The following TMEM131L variants were observed in gnomAD, a reference collection of about 807,000 sequenced individuals.
The protein encoded by TMEM131L is transmembrane protein 131-like.
TMEM131L carries 54 observed loss-of-function variants against 192.2 expected under a neutral mutation model. The observed-to-expected ratio is 0.28, with a 90% CI of 0.23 to 0.35. The LOEUF (loss-of-function observed/expected upper bound fraction) is 0.35. TMEM131L is among the 10% of genes least tolerant of loss of function. The pLI, the probability that TMEM131L is intolerant of heterozygous loss-of-function variation, is 1.00. For synonymous variants in TMEM131L, 701 were observed against 704.9 expected, an observed-to-expected ratio of 0.99 and a Z score of 0.09; for missense variants, 1,888 against 1,972.9, an observed-to-expected ratio of 0.96 and a Z score of 0.82.
At position 153,623,076 on chromosome 4, in the gene TMEM131L, G is replaced by A. The variant is rs1390926357; in HGVS notation, c.4038G>A (p.Leu1346=). ...CCATGGTGGACGCCCAGCACTTCCT[G>A]CCGGCCGGTGAGTCCTGAGCAGAGC... ...KKPMVDAQHF[L]PAGDSVSQND... The change falls in exon 29 of 35, where the codon CTG becomes CTA. Residue 1346 remains leucine (L), a synonymous_variant. Transcript: ENST00000409959. 2 of 1,600,078 alleles carry A rather than the reference G, an allele frequency of 1.2e-6. No individual in the cohort carries two copies. The highest frequency in any genetic ancestry group is 1.3e-5 in the African/African-American group (1 of 74,602).
chr4:153,516,834 T>C (rs912136637), intron 3 of TMEM131L, among the ~76,000 whole-genome samples: 3 of 152,132 alleles, frequency 2.0e-5, no homozygotes, highest in African/African-American at 4.8e-5. Flanking sequence ...TTTATTATTA[T>C]TATTCTTTTG....
intron 31 of TMEM131L, among the ~76,000 whole-genome samples, chr4:153,630,877 A>G (rs1734163627): frequency 6.6e-6 from 1 of 152,176 alleles, no homozygotes; most frequent in Admixed American, 6.5e-5. Flanking sequence ...ACCCTTACCA[A>G]GGACCTCTAT....
chr4:153,523,604 C>G (rs996410054), intron 3 of TMEM131L, among the ~76,000 whole-genome samples: 1 of 152,076 alleles, frequency 6.6e-6, no homozygotes, highest in Non-Finnish European at 1.5e-5. Flanking sequence ...CAGAGCTGGT[C>G]GGCTAGTTGT....
chr4:153,487,719 T>TGA (rs1554020496), intron 3 of TMEM131L, among the ~76,000 whole-genome samples: 1,604 of 143,484 alleles, frequency 0.011, 29 homozygotes, highest in South Asian at 0.06. Flanking sequence ...TGTGTGTGTG[T>TGA]GAGAGAGAGA....
At chr4:153,589,097 C>T (rs1730895096) in intron 16 of TMEM131L, 90 bp downstream of exon 16, 2 of 692,738 alleles carry the variant, frequency 2.9e-6, no homozygotes, top group East Asian at 2.5e-5. Context: ...ATTCTAAGAC[C>T]CCCCTCTCAC....
intron 4 of TMEM131L, among the ~76,000 whole-genome samples, chr4:153,552,405 A>C (rs1377845844): frequency 6.6e-6 from 1 of 152,198 alleles, no homozygotes; most frequent in Non-Finnish European, 1.5e-5. Context: ...TAGTCGATGC[A>C]CATGGGGGTA....
intron 2 of TMEM131L, 43 bp from the exon 3 acceptor site, chr4:153,473,794 AAACAAACG>A: frequency 6.7e-7 from 1 of 1,493,220 alleles, no homozygotes; most frequent in Non-Finnish European, 9.1e-7. Flanking sequence ...TCTGTCTCAA[AAACAAACG>A]AACAAACAGA....
At chr4:153,499,846 CT>C (rs926717178) in intron 3 of TMEM131L, among the ~76,000 whole-genome samples, 1 of 152,208 alleles carries the variant, frequency 6.6e-6, no homozygotes, top group African/African-American at 2.4e-5. Flanking sequence ...AAGATGTTCT[CT>C]GATTTTGACT....
rs1199642227 is a variant in TMEM131L at position 153,602,638 on chromosome 4, C to G, written c.2550C>G (p.Leu850=). 1.1e-5 allele frequency: 17 copies of G among 1,614,138 alleles called. No individual in the cohort carries two copies. The highest frequency in any genetic ancestry group is 1.4e-5 in the Non-Finnish European group (16 of 1,180,002). ...TTCGCTTCACTCTCAATGTGACTCT[C>G]CCTCATCACCTGTTGCCCTTGTGTG... ...LEFRFTLNVT[L]PHHLLPLCAD... The change falls in exon 23 of 35, where the codon CTC becomes CTG. Residue 850 remains leucine (L), a synonymous_variant. Transcript: ENST00000409959.
At chr4:153,558,228 A>AGAG in intron 6 of TMEM131L, 30 bp from the exon 7 acceptor site, 1 of 1,224,202 alleles carries the variant, frequency 8.2e-7, no homozygotes, top group African/African-American at 1.5e-5. Context: ...AACTCTTAAC[A>AGAG]GAGGAGCAAT....
intron 3 of TMEM131L, among the ~76,000 whole-genome samples, chr4:153,477,095 G>C (rs923398141): frequency 6.6e-6 from 1 of 152,162 alleles, no homozygotes; most frequent in Non-Finnish European, 1.5e-5. Context: ...TTCTTGAGGC[G>C]GGACAGATCC....
chr4:153,482,811 C>G (rs1367012861), intron 3 of TMEM131L, among the ~76,000 whole-genome samples: 1 of 152,086 alleles, frequency 6.6e-6, no homozygotes, highest in Non-Finnish European at 1.5e-5. Flanking sequence ...GTTGCCCACA[C>G]TGTTCTCTAA....
At chr4:153,595,844 G>A (rs776682961) in intron 19 of TMEM131L, among the ~76,000 whole-genome samples, 1 of 152,064 alleles carries the variant, frequency 6.6e-6, no homozygotes, top group Admixed American at 6.5e-5. Flanking sequence ...TCAGTATAAA[G>A]AATTTATATA....
intron 26 of TMEM131L, 61 bp downstream of exon 26, chr4:153,612,461 T>C: frequency 8.0e-7 from 1 of 1,254,084 alleles, no homozygotes; most frequent in South Asian, 1.5e-5. Context: ...GTGTATTAAG[T>C]GAATATGTGT....
At chr4:153,556,945 G>C in intron 5 of TMEM131L, 21 bp from the exon 6 acceptor site, 1 of 1,212,396 alleles carries the variant, frequency 8.2e-7, no homozygotes, top group South Asian at 1.3e-5. Context: ...CCAAGTGGCT[G>C]ACTGGGGACC....
In TMEM131L at chr4:153,627,491, A is replaced by C. The variant is rs997223946; in HGVS notation, c.4125-114A>C. 1.4e-5 allele frequency: 10 copies of C among 704,096 alleles called. No individual in the cohort carries two copies. In the Admixed American group the frequency reaches 2.3e-4, roughly 16 times the overall value. The allele number at this position is 704,096 out of a possible 1,614,324, so 43.6% of individuals were successfully genotyped here. On this transcript the variant is annotated intron_variant, in intron 30 of 34. Transcript: ENST00000409959. ...TATCTGTATGTTTCTTCCCCAAGAA[A>C]CTCTTCCCCAAGACTTCAATTGAGT...
chr4:153,511,109 G>A (rs1182603080), intron 3 of TMEM131L, among the ~76,000 whole-genome samples: 2 of 152,188 alleles, frequency 1.3e-5, no homozygotes, highest in Non-Finnish European at 2.9e-5. Flanking sequence ...ACTACCATTC[G>A]ACTCAGCAAT....
At chr4:153,631,510 A>C (rs1429641162) in intron 31 of TMEM131L, among the ~76,000 whole-genome samples, 1 of 152,194 alleles carries the variant, frequency 6.6e-6, no homozygotes, top group Admixed American at 6.5e-5. Flanking sequence ...ACAGGAGAAG[A>C]ACCCTGAGCT....
At chr4:153,511,959 A>G (rs936296384) in intron 3 of TMEM131L, among the ~76,000 whole-genome samples, 1 of 152,222 alleles carries the variant, frequency 6.6e-6, no homozygotes, top group Admixed American at 6.5e-5. Context: ...TAAATACACA[A>G]ATTTTATTTG....
Sources: gnomAD v4.1 joint callset for allele counts (sites outside exome capture counted in the v4.1 genomes callset) on GRCh38, gnomAD v4.1.1 for gene constraint, MANE v1.5 for transcripts, NCBI Gene and HGNC (gene_info 2026-07-23, HGNC 2026-07-21) for gene names.